ADGRE3: variants seen among roughly 807,000 people sequenced by gnomAD.
ADGRE3 encodes EGF-like module receptor 3.
Under a neutral mutation model 80.1 loss-of-function variants are expected in ADGRE3, and 88 were observed. That is an observed-to-expected ratio of 1.10 (90% CI 0.93 to 1.31). The LOEUF (loss-of-function observed/expected upper bound fraction) is 1.31. Ranked by LOEUF, ADGRE3 falls within the 40% of genes most tolerant of loss-of-function variation. The pLI is 0.00. For synonymous variants in ADGRE3, 281 were observed against 294.8 expected (o/e 0.95, Z 0.48); for missense variants, 715 against 776.5 (o/e 0.92, Z 0.94).
the ADGRE3 span, among the ~76,000 whole-genome samples, chr19:14,612,857 C>T: frequency 1.3e-5 from 2 of 152,114 alleles, no homozygotes; most frequent in African/African-American, 4.8e-5. Flanking sequence ...CATAACTCAA[C>T]ATAGTATTCC....
chr19:14,653,559 C>A (rs553320994), intron 6 of ADGRE3, among the ~76,000 whole-genome samples: 1 of 152,092 alleles, frequency 6.6e-6, no homozygotes, highest in African/African-American at 2.4e-5. Flanking sequence ...GCATTACATG[C>A]ACTTTCATTA....
chr19:14,672,006 TC>T (rs1258822220), intron 1 of ADGRE3, among the ~76,000 whole-genome samples: 9 of 152,174 alleles, frequency 5.9e-5, no homozygotes, highest in African/African-American at 2.2e-4. Context: ...TTCTGTGGCC[TC>T]CCAAAGTGTT....
At chr19:14,637,070 G>T (rs1971110632) in intron 11 of ADGRE3, among the ~76,000 whole-genome samples, 1 of 151,982 alleles carries the variant, frequency 6.6e-6, no homozygotes. Flanking sequence ...CTCCAGCCTG[G>T]GCAACAAGAG....
chr19:14,639,545 C>T (rs2146836538), intron 10 of ADGRE3, among the ~76,000 whole-genome samples: 1 of 152,170 alleles, frequency 6.6e-6, no homozygotes, highest in Middle Eastern at 3.4e-3. Context: ...GCTGGGACTA[C>T]AGACGTGCAC....
At chr19:14,620,564 ATATATTTTTTT>A (rs1970567895) in intron 15 of ADGRE3, among the ~76,000 whole-genome samples, 2 of 34,346 alleles carry the variant, frequency 5.8e-5, no homozygotes, top group Non-Finnish European at 1.0e-4. Flanking sequence ...ATATATATAT[ATATATTTTTTT>A]TTTTTTTTTT....
intron 13 of ADGRE3, 127 bp from the exon 14 acceptor site, chr19:14,630,334 TG>T (rs1970848209): frequency 1.7e-6 from 1 of 604,314 alleles, no homozygotes; most frequent in Non-Finnish European, 2.5e-6. Flanking sequence ...AAGCCAGCAC[TG>T]GCTACCTGTG....
At chr19:14,637,561 T>C (rs1599619059) in intron 11 of ADGRE3, among the ~76,000 whole-genome samples, 1 of 14,714 alleles carries the variant, frequency 6.8e-5, no homozygotes, top group Admixed American at 1.1e-3. Context: ...GCTTGGCTAT[T>C]TTTTTTTTTT....
At chr19:14,634,660 C>T (rs1599613436) in intron 11 of ADGRE3, among the ~76,000 whole-genome samples, 1 of 152,268 alleles carries the variant, frequency 6.6e-6, no homozygotes. Context: ...AACTATTATT[C>T]TCATCTCGCT....
intron 9 of ADGRE3, among the ~76,000 whole-genome samples, chr19:14,642,544 T>G (rs1351699865): frequency 6.6e-6 from 1 of 152,318 alleles, no homozygotes; most frequent in African/African-American, 2.4e-5. Context: ...TTAAGCTTAG[T>G]ACCCATTAGT....
intron 9 of ADGRE3, among the ~76,000 whole-genome samples, chr19:14,643,412 G>T (rs1431813895): frequency 6.6e-6 from 1 of 151,914 alleles, no homozygotes; most frequent in East Asian, 1.9e-4. Context: ...CCAAAGTGCT[G>T]GGATTACAGG....
chr19:14,635,626 T>C (rs1213203500), intron 11 of ADGRE3, among the ~76,000 whole-genome samples: 2 of 151,942 alleles, frequency 1.3e-5, no homozygotes, highest in South Asian at 2.1e-4. Flanking sequence ...TTGGCCAGGC[T>C]GGTCTTGAAC....
chr19:14,601,555 G>T, the ADGRE3 span, among the ~76,000 whole-genome samples: 1 of 152,088 alleles, frequency 6.6e-6, no homozygotes, highest in Non-Finnish European at 1.5e-5. Flanking sequence ...TTTAAGCCTA[G>T]GTAGCCGGCT....
intron 7 of ADGRE3, among the ~76,000 whole-genome samples, chr19:14,648,986 A>G (rs56177646): frequency 0.46 from 62,422 of 136,842 alleles, 13,627 homozygotes; most frequent in East Asian, 0.63. Context: ...CTCTCTCCCC[A>G]TCTCTCTCTT....
At chr19:14,662,189 G>A in intron 3 of ADGRE3, 71 bp from the exon 4 acceptor site, 1 of 1,496,732 alleles carries the variant, frequency 6.7e-7, no homozygotes. Flanking sequence ...TGTGTCAGGA[G>A]TTGTGCTCTT....
chr19:14,657,750 TTTG>T (rs913663031), intron 5 of ADGRE3, among the ~76,000 whole-genome samples: 13 of 144,058 alleles, frequency 9.0e-5, no homozygotes, highest in African/African-American at 2.7e-4. Flanking sequence ...TATATATTTT[TTTG>T]TTTGTTTGTT....
At chr19:14,665,055 ATTTTTTTTTTTTTTT>A (rs916325882) in intron 2 of ADGRE3, among the ~76,000 whole-genome samples, 10 of 89,808 alleles carry the variant, frequency 1.1e-4, no homozygotes, top group African/African-American at 3.3e-4. Context: ...GAGCAACCTC[ATTTTTTTTTTTTTTT>A]TTTTTTTTTT....
intron 2 of ADGRE3, 28 bp from the exon 3 acceptor site, chr19:14,663,568 T>G (rs1016208523): frequency 6.2e-6 from 10 of 1,602,086 alleles, no homozygotes; most frequent in Non-Finnish European, 8.5e-6. Flanking sequence ...GCAGGTTAAA[T>G]GGACTGGGGT....
the ADGRE3 span, among the ~76,000 whole-genome samples, chr19:14,607,910 A>C: frequency 6.6e-6 from 1 of 150,616 alleles, no homozygotes; most frequent in African/African-American, 2.4e-5. Flanking sequence ...TCGCCCTGTC[A>C]CCCAGGCTGG....
intron 14 of ADGRE3, among the ~76,000 whole-genome samples, chr19:14,626,130 T>C (rs1970733492): frequency 6.6e-6 from 1 of 152,092 alleles, no homozygotes; most frequent in Non-Finnish European, 1.5e-5. Flanking sequence ...CATTACAGGG[T>C]ATATAATTGT....
Sources: allele counts gnomAD v4.1 joint callset (sites outside exome capture counted in the v4.1 genomes callset), GRCh38; gene constraint gnomAD v4.1.1; transcripts MANE v1.5; gene names NCBI Gene and HGNC (gene_info 2026-07-23, HGNC 2026-07-21).